GRM8: variants seen among roughly 807,000 people sequenced by gnomAD.
GRM8 encodes the protein glutamate metabotropic receptor 8.
Under a neutral mutation model 87.2 loss-of-function variants are expected in GRM8, and 47 were observed. That is an observed-to-expected ratio of 0.54 (90% confidence interval 0.43 to 0.69). The LOEUF is 0.69. Among genes scored for constraint, GRM8 ranks in the 30% least tolerant of loss-of-function variants. The probability of loss-of-function intolerance (pLI) is 0.00; values close to 1 mark genes in which losing one functional copy is unlikely to be tolerated. For synonymous variants in GRM8, 396 were observed against 404.5 expected (o/e 0.98, Z 0.25); for missense variants, 1,019 against 1,139.2 (o/e 0.89, Z 1.52).
At chr7:126,444,661 G>A (rs1239087605) in intron 10 of GRM8, among the ~76,000 whole-genome samples, 4 of 152,060 alleles carry the variant, frequency 2.6e-5, no homozygotes, top group Non-Finnish European at 5.9e-5. Flanking sequence ...AGTAGACAAT[G>A]CTTATCTAGA....
rs147758650 is a variant in GRM8, at chr7:126,478,117, T to C, written c.2431-31745A>G. On this transcript the variant is annotated intron_variant, in intron 9 of 10. Transcript: ENST00000339582. The stretch of plus-strand genomic sequence containing the variant: ...TTAACTTTAGATCTGCTAAGGCCCC[T>C]TTTCCATATAAGATCACATTTACAA... Among the ~76,000 whole-genome samples, 303 of 152,218 alleles carry C rather than the reference T, an allele frequency of 2.0e-3. 1 individual carries two copies. Among genetic ancestry groups the C allele is most frequent in the African/African-American group, 7.1e-3 (297 of 41,554 alleles).
chr7:126,839,311 C>T (rs1328624700), intron 6 of GRM8, among the ~76,000 whole-genome samples: 13 of 152,194 alleles, frequency 8.5e-5, no homozygotes, highest in Admixed American at 8.5e-4. Context: ...AATGCAGAAT[C>T]TCAGGCTCAA....
At chr7:127,183,556 T>A (rs1355761278) in intron 2 of GRM8, among the ~76,000 whole-genome samples, 1 of 151,720 alleles carries the variant, frequency 6.6e-6, no homozygotes, top group African/African-American at 2.4e-5. Flanking sequence ...AGGAAAATTA[T>A]GGCACTAAAT....
intron 9 of GRM8, among the ~76,000 whole-genome samples, chr7:126,469,073 C>A (rs2150548419): frequency 6.6e-6 from 1 of 152,204 alleles, no homozygotes; most frequent in East Asian, 1.9e-4. Context: ...ATAAGACCAA[C>A]ACCCACTTGT....
At chr7:126,893,965 A>T (rs1243369799) in intron 6 of GRM8, among the ~76,000 whole-genome samples, 1 of 152,076 alleles carries the variant, frequency 6.6e-6, no homozygotes, top group Non-Finnish European at 1.5e-5. Context: ...GTATTTCAGC[A>T]AATCATATCT....
chr7:126,597,562 T>G (rs971365621), intron 8 of GRM8, among the ~76,000 whole-genome samples: 2 of 152,110 alleles, frequency 1.3e-5, no homozygotes, highest in Non-Finnish European at 2.9e-5. Flanking sequence ...TATGTTAAAA[T>G]TGTACTTATT....
intron 3 of GRM8, among the ~76,000 whole-genome samples, chr7:127,015,301 A>G (rs1439210964): frequency 6.6e-6 from 1 of 152,062 alleles, no homozygotes; most frequent in African/African-American, 2.4e-5. Flanking sequence ...CATGAACCAA[A>G]GAAGAAAGAG....
intron 3 of GRM8, among the ~76,000 whole-genome samples, chr7:127,051,195 C>A (rs1327252065): frequency 6.6e-6 from 1 of 152,112 alleles, no homozygotes; most frequent in African/African-American, 2.4e-5. Context: ...AAAATGCAAA[C>A]ACCTGGGCCC....
At chr7:126,618,271 T>C (rs1330733010) in intron 7 of GRM8, among the ~76,000 whole-genome samples, 1 of 152,072 alleles carries the variant, frequency 6.6e-6, no homozygotes, top group African/African-American at 2.4e-5. Context: ...AAACAAGAAA[T>C]GGGGAAAGGA....
At chr7:126,675,331 C>T (rs148102153) in intron 7 of GRM8, among the ~76,000 whole-genome samples, 2,022 of 152,232 alleles carry the variant, frequency 0.013, 21 homozygotes, top group Middle Eastern at 0.024. Context: ...GAATTGGTAC[C>T]AATCCTACTG....
intron 2 of GRM8, among the ~76,000 whole-genome samples, chr7:127,121,919 C>T (rs1827112141): frequency 6.6e-6 from 1 of 152,094 alleles, no homozygotes; most frequent in African/African-American, 2.4e-5. Context: ...ATATTAGTAG[C>T]CTTGGCAACT....
At chr7:126,554,101 A>G (rs1261828487) in intron 8 of GRM8, among the ~76,000 whole-genome samples, 2 of 152,184 alleles carry the variant, frequency 1.3e-5, no homozygotes, top group Non-Finnish European at 2.9e-5. Flanking sequence ...ATGAAATTTA[A>G]AATGAATTAA....
intron 7 of GRM8, among the ~76,000 whole-genome samples, chr7:126,650,876 G>A (rs960739488): frequency 1.2e-4 from 18 of 152,024 alleles, no homozygotes; most frequent in Non-Finnish European, 2.2e-4. Context: ...TGGAGGTTAC[G>A]CATGGGCTCA....
chr7:126,807,493 A>C (rs1433143570), intron 6 of GRM8, among the ~76,000 whole-genome samples: 1 of 152,174 alleles, frequency 6.6e-6, no homozygotes, highest in Non-Finnish European at 1.5e-5. Context: ...AAACTTAAAA[A>C]TCAAGCGAGA....
chr7:127,001,373 ATG>A, intron 3 of GRM8, among the ~76,000 whole-genome samples: 1 of 151,694 alleles, frequency 6.6e-6, no homozygotes, highest in East Asian at 1.9e-4. Context: ...CTATAATTAC[ATG>A]TGTTTGTATA....
chr7:127,081,834 A>G (rs1220499932), intron 3 of GRM8, among the ~76,000 whole-genome samples: 1 of 152,214 alleles, frequency 6.6e-6, no homozygotes, highest in African/African-American at 2.4e-5. Context: ...GTAAAGGTGC[A>G]GAGAGAGAAG....
intron 2 of GRM8, among the ~76,000 whole-genome samples, chr7:127,175,847 A>T (rs888982142): frequency 3.3e-5 from 5 of 152,198 alleles, no homozygotes; most frequent in Admixed American, 6.5e-5. Context: ...GAAATTTTTT[A>T]AAAAACATTA....
chr7:126,849,093 G>A (rs141321137), intron 6 of GRM8, among the ~76,000 whole-genome samples: 1 of 152,110 alleles, frequency 6.6e-6, no homozygotes, highest in African/African-American at 2.4e-5. Context: ...CTATGATTCA[G>A]TTACCTCCCA....
intron 7 of GRM8, among the ~76,000 whole-genome samples, chr7:126,654,009 G>T (rs990679499): frequency 1.3e-5 from 2 of 152,174 alleles, no homozygotes; most frequent in South Asian, 4.1e-4. Flanking sequence ...AGTCCATATC[G>T]TGGGATCATA....
Sources: gnomAD v4.1 joint callset for allele counts (sites outside exome capture counted in the v4.1 genomes callset) on GRCh38, gnomAD v4.1.1 for gene constraint, MANE v1.5 for transcripts, NCBI Gene and HGNC (gene_info 2026-07-23, HGNC 2026-07-21) for gene names.